The following GLIS3 variants were observed in gnomAD, a reference collection of about 807,000 sequenced individuals.
GLIS3 encodes zinc finger protein GLIS3.
A neutral mutation model predicts 78.6 loss-of-function variants in GLIS3; 53 were observed. That is an observed-to-expected ratio of 0.67 (90% confidence interval 0.54 to 0.85). GLIS3 has a LOEUF of 0.85. Ranked by LOEUF, GLIS3 falls within the 40% of genes least tolerant of loss-of-function variation. GLIS3 has a pLI of 0.00. For synonymous variants in GLIS3, 684 were observed against 509.9 expected (o/e 1.34, Z -4.60); for missense variants, 1,703 against 1,231.1 (o/e 1.38, Z -5.74).
At chr9:4,336,579 G>C (rs1817760620) in intron 2 of GLIS3, among the ~76,000 whole-genome samples, 1 of 152,182 alleles carries the variant, frequency 6.6e-6, no homozygotes, top group South Asian at 2.1e-4. Context: ...TATGGAAAAG[G>C]AAAGTAAGAC....
Position 4,007,166 on chromosome 9 carries a change from C to T in GLIS3, c.1711-69977G>A, listed in dbSNP as rs554921583. Among the ~76,000 whole-genome samples the T allele has an allele frequency of 8.5e-5, 13 of 152,296 alleles. No individual in the cohort carries two copies. The South Asian group carries it at 2.5e-3, about 29-fold the overall frequency. ...CACATCCAAACACCCAACAGGGTCA[C>T]AGTGCTTGGTTCAGCCGTGCTTGAG... On this transcript the variant is annotated intron_variant, in intron 4 of 10. Coordinates refer to ENST00000381971, the MANE Select transcript of GLIS3 (RefSeq NM_001042413.2).
At chr9:3,955,778 C>T (rs933296311) in intron 4 of GLIS3, among the ~76,000 whole-genome samples, 14 of 152,090 alleles carry the variant, frequency 9.2e-5, no homozygotes, top group African/African-American at 3.4e-4. Flanking sequence ...AGACTGTTCA[C>T]CTAGTGACTG....
the GLIS3 span, among the ~76,000 whole-genome samples, chr9:4,485,965 A>AC: frequency 1.3e-5 from 2 of 150,406 alleles, no homozygotes; most frequent in African/African-American, 4.9e-5. Context: ...TCAGGAATCC[A>AC]CCCCCCTTGG....
intron 2 of GLIS3, among the ~76,000 whole-genome samples, chr9:4,212,839 G>C (rs1586994427): frequency 6.6e-6 from 1 of 152,188 alleles, no homozygotes; most frequent in African/African-American, 2.4e-5. Context: ...ATGACAAAGA[G>C]CTTCATAGGC....
the GLIS3 span, among the ~76,000 whole-genome samples, chr9:4,447,254 C>T: frequency 5.9e-5 from 9 of 152,064 alleles, no homozygotes; most frequent in East Asian, 1.8e-3. Context: ...CACTATGTTG[C>T]TCAGGCTGGT....
chr9:4,363,075 G>C, the GLIS3 span, among the ~76,000 whole-genome samples: 1 of 152,076 alleles, frequency 6.6e-6, no homozygotes, highest in Non-Finnish European at 1.5e-5. Context: ...AGGCCCAAGA[G>C]ACAGCTTTGA....
At chr9:4,266,702 G>C (rs1826044974) in intron 2 of GLIS3, among the ~76,000 whole-genome samples, 2 of 151,852 alleles carry the variant, frequency 1.3e-5, no homozygotes, top group Admixed American at 6.6e-5. Flanking sequence ...ATGATACATA[G>C]TTATTTTACT....
chr9:3,849,072 A>C (rs2130158421), intron 9 of GLIS3, among the ~76,000 whole-genome samples: 1 of 152,360 alleles, frequency 6.6e-6, no homozygotes, highest in East Asian at 1.9e-4. Context: ...TTTCCTAACG[A>C]AATCTAGTAA....
chr9:3,876,185 A>T (rs1209091009), intron 8 of GLIS3, among the ~76,000 whole-genome samples: 1 of 152,166 alleles, frequency 6.6e-6, no homozygotes, highest in Non-Finnish European at 1.5e-5. Flanking sequence ...AATTACACAA[A>T]TCCAAACCAT....
intron 4 of GLIS3, among the ~76,000 whole-genome samples, chr9:4,117,546 G>C (rs575552536): frequency 6.6e-6 from 1 of 152,274 alleles, no homozygotes; most frequent in East Asian, 1.9e-4. Flanking sequence ...CTGATCACCT[G>C]CTGGGATGGA....
intron 4 of GLIS3, among the ~76,000 whole-genome samples, chr9:3,996,739 C>T (rs1427232729): frequency 6.6e-6 from 1 of 151,838 alleles, no homozygotes; most frequent in Non-Finnish European, 1.5e-5. Flanking sequence ...GAATGAAGTC[C>T]AACATTGGTT....
Position 4,118,848 on chromosome 9 carries a change from C to T in GLIS3, c.630G>A (p.Thr210=), listed in dbSNP as rs143229220. The change falls in exon 4 of 11, where the codon ACG becomes ACA. Residue 210 remains threonine (T), a synonymous_variant. Transcript: ENST00000381971. This position sits in a 1 kb window ranked among gnomAD's most constrained non-coding sequence, Gnocchi z 4.7. ...ACTGACTTTCCGTCAGACTCAAGGT[C>T]GTGGACGCCAAAGACTCACGCGAAA... The part of the protein sequence containing the change: ...SLISRESLAS[T]TLSLTESQSA... The T allele has an allele frequency of 3.4e-5, 54 of 1,603,106 alleles. No homozygotes were observed. The highest frequency in any genetic ancestry group is 8.3e-5 in the Admixed American group (5 of 59,950).
chr9:3,976,689 A>G (rs1818814912), intron 4 of GLIS3, among the ~76,000 whole-genome samples: 1 of 151,286 alleles, frequency 6.6e-6, no homozygotes, highest in African/African-American at 2.4e-5. Context: ...GTGAAGAATA[A>G]GCTTCAAATA....
In GLIS3 at chr9:4,118,361, G is replaced by A. The variant is rs200263979; in HGVS notation, c.1117C>T (p.Leu373=). Residue 373 remains leucine, a synonymous_variant, in exon 4 of 11, where the codon CTG becomes TTG. Transcript: ENST00000381971. The surrounding 1 kb of genome is among the most constrained non-coding windows in gnomAD (Gnocchi z 4.7). ...AGCGCCAGGCCTCCAGGGGCCACCA[G>A]CACGCCCTTCTGGCTGCCGGGCACC... The part of the protein sequence containing the change: ...RPVPGSQKGV[L]VAPGGLALPA... 6 of 1,587,732 alleles carry A rather than the reference G, an allele frequency of 3.8e-6. No homozygotes were observed. The highest frequency in any genetic ancestry group is 5.1e-6 in the Non-Finnish European group (6 of 1,171,008).
At chr9:4,219,888 A>G (rs1255348782) in intron 2 of GLIS3, among the ~76,000 whole-genome samples, 1 of 152,162 alleles carries the variant, frequency 6.6e-6, no homozygotes, top group Non-Finnish European at 1.5e-5. Flanking sequence ...AGTAGCAATA[A>G]GCACACCCAG....
intron 2 of GLIS3, among the ~76,000 whole-genome samples, chr9:4,228,317 T>C (rs1227082315): frequency 2.7e-5 from 4 of 149,770 alleles, no homozygotes; most frequent in African/African-American, 4.9e-5. Flanking sequence ...GACAAGGGAG[T>C]ATAGGGGAGG....
intron 2 of GLIS3, among the ~76,000 whole-genome samples, chr9:4,331,066 T>A (rs138354705): frequency 6.6e-6 from 1 of 152,176 alleles, no homozygotes; most frequent in African/African-American, 2.4e-5. Flanking sequence ...TAAGGCTGCA[T>A]AACAAATTAG....
the GLIS3 span, among the ~76,000 whole-genome samples, chr9:4,481,901 T>A: frequency 5.3e-5 from 8 of 152,254 alleles, no homozygotes; most frequent in African/African-American, 1.9e-4. Context: ...TCTCCATACC[T>A]TCTCTAAGTT....
chr9:4,409,204 G>C, the GLIS3 span, among the ~76,000 whole-genome samples: 1 of 152,134 alleles, frequency 6.6e-6, no homozygotes, highest in South Asian at 2.1e-4. Context: ...CATTCTTTTG[G>C]AGTCTGTTGT....
Sources: allele counts gnomAD v4.1 joint callset (sites outside exome capture counted in the v4.1 genomes callset), GRCh38; gene constraint gnomAD v4.1.1; non-coding constraint Gnocchi (gnomAD v3.1); transcripts MANE v1.5; gene names NCBI Gene and HGNC (gene_info 2026-07-23, HGNC 2026-07-21).